Variants in PCDHGA6 observed in about 807,000 individuals in gnomAD.
PCDHGA6 encodes the protein protocadherin gamma-A6.
A neutral mutation model predicts 60.6 loss-of-function variants in PCDHGA6; 41 were observed. The observed-to-expected ratio is 0.68, with a 90% CI of 0.53 to 0.88. PCDHGA6 has a LOEUF of 0.88. Among genes scored for constraint, PCDHGA6 ranks in the 40% least tolerant of loss-of-function variants. The pLI is 0.00. For missense variants in PCDHGA6, 1,312 were observed against 1,203.0 expected, an observed-to-expected ratio of 1.09 and a Z score of -1.34; for synonymous variants, 594 against 524.4, an observed-to-expected ratio of 1.13 and a Z score of -1.81.
intron 1 of PCDHGA6, among the ~76,000 whole-genome samples, chr5:141,467,414 C>A (rs1410743140): frequency 6.6e-5 from 10 of 152,168 alleles, no homozygotes; most frequent in African/African-American, 1.2e-4. Flanking sequence ...CCTTTCCCCA[C>A]ACCTAGGTTA....
chr5:141,474,407 G>A (rs1431210575), intron 1 of PCDHGA6, among the ~76,000 whole-genome samples: 2 of 152,230 alleles, frequency 1.3e-5, no homozygotes, highest in East Asian at 1.9e-4. Flanking sequence ...GCTCCCCGGT[G>A]ATGCCTAGAC....
intron 1 of PCDHGA6, chr5:141,383,938 G>A: frequency 6.2e-7 from 1 of 1,613,866 alleles, no homozygotes; most frequent in Non-Finnish European, 8.5e-7. Context: ...TGCTCCAGAA[G>A]TGACTATGAC....
chr5:141,444,800 A>G (rs1294854513), intron 1 of PCDHGA6, among the ~76,000 whole-genome samples: 1 of 152,078 alleles, frequency 6.6e-6, no homozygotes, highest in East Asian at 1.9e-4. Flanking sequence ...CTATTCTTTT[A>G]CTAATAGCAC....
In PCDHGA6 at chr5:141,376,375, T is replaced by G. The variant is rs896572311; in HGVS notation, c.2292T>G (p.Arg764=). ...AGGTCTCACTCACTGCAGACTCGCG[T>G]AAGAGTCATCTGATTTTCCCCCAGC... ...SHEVSLTADS[R]KSHLIFPQPN... is the part of the protein sequence containing the mutation. The change falls in exon 1 of 4, where the codon CGT becomes CGG. Residue 764 remains arginine (R), a synonymous_variant. Coordinates refer to ENST00000517434, the MANE Select transcript of PCDHGA6 (RefSeq NM_018919.3). The G allele has an allele frequency of 8.7e-6, 14 of 1,614,090 alleles. No individual in the cohort carries two copies. The highest frequency in any genetic ancestry group is 2.7e-5 in the African/African-American group (2 of 74,916).
intron 1 of PCDHGA6, among the ~76,000 whole-genome samples, chr5:141,454,701 C>G (rs1182969868): frequency 6.6e-6 from 1 of 151,760 alleles, no homozygotes; most frequent in Non-Finnish European, 1.5e-5. Context: ...CCACCATGCT[C>G]CACCTGCTTA....
intron 1 of PCDHGA6, among the ~76,000 whole-genome samples, chr5:141,449,762 G>T (rs909809198): frequency 6.6e-6 from 1 of 151,458 alleles, no homozygotes; most frequent in Non-Finnish European, 1.5e-5. Context: ...ACATTTGAGA[G>T]TAAGTTGTAG....
At chr5:141,394,799 A>G in intron 1 of PCDHGA6, 5 of 1,613,808 alleles carry the variant, frequency 3.1e-6, no homozygotes, top group Admixed American at 1.7e-5. Context: ...CGCTCACCGT[A>G]GCCGTGGCTG....
intron 1 of PCDHGA6, among the ~76,000 whole-genome samples, chr5:141,450,894 G>A (rs919860611): frequency 2.7e-5 from 4 of 148,956 alleles, no homozygotes; most frequent in Admixed American, 1.3e-4. Context: ...GTGCGATATC[G>A]GCTCACTGCA....
intron 1 of PCDHGA6, chr5:141,422,576 CTCCCGTTTT>C: frequency 6.2e-7 from 1 of 1,614,034 alleles, no homozygotes; most frequent in African/African-American, 1.3e-5. Context: ...AACGATAACC[CTCCCGTTTT>C]TCCTCACTCC....
intron 1 of PCDHGA6, chr5:141,423,696 T>A: frequency 4.0e-6 from 6 of 1,492,822 alleles, no homozygotes; most frequent in Non-Finnish European, 5.3e-6. Flanking sequence ...ATTGTTGGTG[T>A]CTTGGCACAA....
intron 3 of PCDHGA6, among the ~76,000 whole-genome samples, chr5:141,510,584 C>T (rs2099881791): frequency 1.3e-5 from 2 of 152,184 alleles, no homozygotes. Flanking sequence ...TTTTACGTAC[C>T]TGACATACAT....
chr5:141,377,014 G>T (rs1457623527), intron 1 of PCDHGA6: 1 of 155,140 alleles, frequency 6.4e-6, no homozygotes, highest in African/African-American at 2.4e-5. Flanking sequence ...TGGTTGACAG[G>T]AAAATTCAAG....
At chr5:141,454,796 A>ATTTTTTTTTTTTTTTTTTTTTTTT (rs61612330) in intron 1 of PCDHGA6, among the ~76,000 whole-genome samples, 4 of 77,456 alleles carry the variant, frequency 5.2e-5, no homozygotes, top group Non-Finnish European at 9.3e-5. Flanking sequence ...CATGGTTCTA[A>ATTTTTTTTTTTTTTTTTTTTTTTT]TTTTTTTTTT....
Position 141,485,208 on chromosome 5 carries a change from G to T in PCDHGA6, c.2425-9599G>T, listed in dbSNP as rs2099609377. On this transcript the variant is annotated intron_variant, in intron 1 of 3. Coordinates refer to ENST00000517434, the MANE Select transcript of PCDHGA6 (RefSeq NM_018919.3). This position sits in a 1 kb window ranked among gnomAD's most constrained non-coding sequence, Gnocchi z 5.7. ...AAGGTGAGAAGCTGGACAGAAATCT[G>T]GCGGTGGGCTACCCTTTTGTTCCTC... The T allele has an allele frequency of 6.2e-7, 1 of 1,613,998 alleles. No homozygotes were observed. The highest frequency in any genetic ancestry group is 1.3e-5 in the African/African-American group (1 of 74,930).
At chr5:141,510,695 C>T (rs1023505006) in intron 3 of PCDHGA6, among the ~76,000 whole-genome samples, 1 of 152,166 alleles carries the variant, frequency 6.6e-6, no homozygotes, top group Non-Finnish European at 1.5e-5. Context: ...GTTAGGTAGA[C>T]TTGCCCAGGA....
At chr5:141,419,475 C>G (rs775720158) in intron 1 of PCDHGA6, 2 of 1,612,266 alleles carry the variant, frequency 1.2e-6, no homozygotes, top group Admixed American at 1.7e-5. Context: ...GACCAGGGCT[C>G]GCCCGCGCTC....
chr5:141,441,772 TG>T, intron 1 of PCDHGA6: 1 of 388,268 alleles, frequency 2.6e-6, no homozygotes, highest in South Asian at 2.0e-5. Flanking sequence ...CGCGTGTTGG[TG>T]GACGACCTGA....
At chr5:141,394,684 G>C in intron 1 of PCDHGA6, 1 of 1,612,090 alleles carries the variant, frequency 6.2e-7, no homozygotes, top group South Asian at 1.1e-5. Flanking sequence ...CTGCACACGG[G>C]CGAGGTGCGC....
At chr5:141,441,734 G>GAT in intron 1 of PCDHGA6, 1 of 364,808 alleles carries the variant, frequency 2.7e-6, no homozygotes, top group South Asian at 2.2e-5. Context: ...ACCAGGACTA[G>GAT]CTCGCGCTCG....
Sources: allele counts gnomAD v4.1 joint callset (sites outside exome capture counted in the v4.1 genomes callset), GRCh38; gene constraint gnomAD v4.1.1; non-coding constraint Gnocchi (gnomAD v3.1); transcripts MANE v1.5; gene names NCBI Gene and HGNC (gene_info 2026-07-23, HGNC 2026-07-21).